The following CD300LG variants were observed in gnomAD, a reference collection of about 807,000 sequenced individuals.
CD300LG encodes CMRF35-like molecule 9.
A neutral mutation model predicts 31.5 loss-of-function variants in CD300LG; 29 were observed. The observed-to-expected ratio is 0.92, with a 90% CI of 0.68 to 1.25. The LOEUF (loss-of-function observed/expected upper bound fraction) is 1.25, where lower values mean the gene tolerates loss of function less well. Ranked by LOEUF, CD300LG falls within the 50% of genes most tolerant of loss-of-function variation. The pLI is 0.00. For synonymous variants in CD300LG, 175 were observed against 177.2 expected (o/e 0.99, Z 0.10); for missense variants, 396 against 417.6 (o/e 0.95, Z 0.45).
rs1296882400 is a variant in CD300LG, at chr17:43,848,714, CAGA to C, written c.209_211del (p.Glu70del). 7 of 1,613,990 alleles carry C rather than the reference CAGA, an allele frequency of 4.3e-6. No individual in the cohort carries two copies. The highest frequency in any genetic ancestry group is 3.3e-5 in the Admixed American group (2 of 60,000). On this transcript the variant is annotated inframe_deletion, in exon 2 of 7. Coordinates refer to ENST00000317310, the MANE Select transcript of CD300LG (RefSeq NM_145273.4). ...TCTCGCTGCTCTGGCACCATCTATG[CAGA>C]AGAAGAAGGCCAGGAGACAATGAAG...
chr17:43,860,908 C>G (rs938606439), intron 6 of CD300LG, among the ~76,000 whole-genome samples: 2 of 152,174 alleles, frequency 1.3e-5, no homozygotes, highest in African/African-American at 4.8e-5. Flanking sequence ...AGTTTTACAG[C>G]TGAGGAAACT....
intron 6 of CD300LG, among the ~76,000 whole-genome samples, chr17:43,859,862 C>T (rs2046616806): frequency 6.6e-6 from 1 of 152,212 alleles, no homozygotes; most frequent in Non-Finnish European, 1.5e-5. Flanking sequence ...CTGAAGATGT[C>T]ATCCCTGTGT....
In CD300LG at chr17:43,853,972, C is replaced by G. The variant is rs1319740649; in HGVS notation, c.647C>G (p.Pro216Arg). Residue 216 changes from proline (P) to arginine (R), a missense_variant, in exon 4 of 7, where the codon CCC becomes CGC. Pro to Arg is a moderately radical substitution (Grantham distance 103). Transcript: ENST00000317310. ...TCTCCTCCTGCAGGGAGCTCCCGCC[C>G]CCCCATGCAGCTGGACTCCACCTCA... ...ATSPPAGSSR[P>R]PMQLDSTSAE... is the part of the protein sequence containing the mutation. 2 of 1,614,066 alleles carry G rather than the reference C, an allele frequency of 1.2e-6. No individual in the cohort carries two copies. Among genetic ancestry groups the G allele is most frequent in the Non-Finnish European group, 1.7e-6 (2 of 1,180,024 alleles).
At chr17:43,854,106 G>A (rs1408536212) in intron 4 of CD300LG, 62 bp downstream of exon 4, 2 of 1,253,408 alleles carry the variant, frequency 1.6e-6, no homozygotes, top group Non-Finnish European at 1.1e-6. Context: ...GTGCCTTTGA[G>A]AAAATAGGAA....
chr17:43,861,018 A>G (rs1597717430), intron 6 of CD300LG: 7 of 791,102 alleles, frequency 8.8e-6, no homozygotes, highest in Non-Finnish European at 1.1e-5. Flanking sequence ...CCCTCCCGGC[A>G]CCTCCCTGCC....
intron 1 of CD300LG, among the ~76,000 whole-genome samples, 153 bp downstream of exon 1, chr17:43,847,412 G>T (rs2143268282): frequency 6.6e-6 from 1 of 152,298 alleles, no homozygotes; most frequent in Non-Finnish European, 1.5e-5. Flanking sequence ...GGGGGAGGTG[G>T]GGGTGGCGCC....
At position 43,848,622 on chromosome 17, in the gene CD300LG, G is replaced by C. The variant is rs1193758070; in HGVS notation, c.108G>C (p.Gln36His). 5.6e-6 allele frequency: 9 copies of C among 1,614,184 alleles called. No individual in the cohort carries two copies. The highest frequency in any genetic ancestry group is 2.2e-5 in the East Asian group (1 of 44,880). The stretch of plus-strand genomic sequence containing the variant: ...TCGAAGGGGACACTGTGTCCCTGCA[G>C]TGCACCTACAGGGAAGAGCTGAGGG... The part of the protein sequence containing the change: ...SGFEGDTVSL[Q>H]CTYREELRDH... Residue 36 changes from glutamine (Q) to histidine (H), a missense_variant, in exon 2 of 7, where the codon CAG becomes CAC. Gln to His is a conservative substitution (Grantham distance 24). Transcript: ENST00000317310.
At chr17:43,858,148 A>C in intron 6 of CD300LG, 2 of 1,281,996 alleles carry the variant, frequency 1.6e-6, no homozygotes, top group Non-Finnish European at 2.0e-6. Flanking sequence ...GTGAGGACAA[A>C]AGACTCAGGC....
rs755304047 is a variant in CD300LG at position 43,848,641 on chromosome 17, C to T, written c.127C>T (p.Leu43=). 1.9e-6 allele frequency: 3 copies of T among 1,614,104 alleles called. No homozygotes were observed. The highest frequency in any genetic ancestry group is 2.5e-6 in the Non-Finnish European group (3 of 1,180,018). ...VSLQCTYREE[L]RDHRKYWCRK... ...CCTGCAGTGCACCTACAGGGAAGAG[C>T]TGAGGGACCACCGGAAGTACTGGTG... Residue 43 remains leucine (L), a synonymous_variant, in exon 2 of 7, where the codon CTG becomes TTG. Transcript: ENST00000317310.
intron 6 of CD300LG, among the ~76,000 whole-genome samples, chr17:43,859,118 A>C (rs999812138): frequency 4.6e-5 from 7 of 152,144 alleles, no homozygotes; most frequent in African/African-American, 1.7e-4. Context: ...GGCTGGCTGC[A>C]GAGCCCTCTG....
rs200812393 is a variant in CD300LG, at chr17:43,857,171, A to T, written c.885+15A>T. 1.2e-6 allele frequency: 2 copies of T among 1,613,990 alleles called. No homozygotes were observed. Among genetic ancestry groups the T allele is most frequent in the African/African-American group, 2.7e-5 (2 of 75,074 alleles). Reference sequence around the variant, plus strand: ...TCTCACGCTTGGTAAGGACAGAGGCATATGGAAGCCCAAGCTCAGATCCCC... The same window carrying T: ...TCTCACGCTTGGTAAGGACAGAGGCTTATGGAAGCCCAAGCTCAGATCCCC... On this transcript the variant is annotated intron_variant, in intron 6 of 6. Coordinates refer to ENST00000317310, the MANE Select transcript of CD300LG (RefSeq NM_145273.4).
intron 2 of CD300LG, 92 bp from the exon 3 acceptor site, chr17:43,852,820 T>TG: frequency 4.0e-6 from 4 of 1,002,242 alleles, no homozygotes; most frequent in Middle Eastern, 2.7e-4. Context: ...TGTGCTGAGG[T>TG]GGGGGGTAGG....
Position 43,849,072 on chromosome 17 carries a change from G to A in CD300LG, c.379+179G>A, listed in dbSNP as rs1196551693. On this transcript the variant is annotated intron_variant, in intron 2 of 6. Coordinates refer to ENST00000317310, the MANE Select transcript of CD300LG (RefSeq NM_145273.4). Reference sequence around the variant, plus strand: ...AGGAGCCGCCTGAGTCTTGGCCATTGTCTCACTCTTGCTGCCCGAGGTCAC... The same window carrying A: ...AGGAGCCGCCTGAGTCTTGGCCATTATCTCACTCTTGCTGCCCGAGGTCAC... 1.3e-5 allele frequency: 8 copies of A among 622,972 alleles called. No individual in the cohort carries two copies. The South Asian group carries it at 1.6e-4, about 12-fold the overall frequency. The allele number at this position is 622,972 out of a possible 1,614,324, so 38.6% of individuals were successfully genotyped here.
chr17:43,855,634 CA>C (rs1250048226), intron 5 of CD300LG: 1 of 216,890 alleles, frequency 4.6e-6, no homozygotes, highest in Non-Finnish European at 9.2e-6. Context: ...AACCAACTGC[CA>C]GGGGCAGTGC....
At chr17:43,856,058 C>T (rs1169539397) in intron 5 of CD300LG, among the ~76,000 whole-genome samples, 1 of 152,194 alleles carries the variant, frequency 6.6e-6, no homozygotes, top group Non-Finnish European at 1.5e-5. Flanking sequence ...CCTCCTGCCT[C>T]AGCCTCCCGA....
chr17:43,848,534 C>T, intron 1 of CD300LG, 24 bp from the exon 2 acceptor site: 3 of 1,583,868 alleles, frequency 1.9e-6, no homozygotes, highest in Non-Finnish European at 2.6e-6. Context: ...GTTTTTCCAA[C>T]CTCCACTCCT....
intron 6 of CD300LG, chr17:43,857,889 G>A (rs1046279705): frequency 1.2e-5 from 19 of 1,536,918 alleles, no homozygotes; most frequent in East Asian, 4.9e-5. Context: ...GGGACCAGGG[G>A]CAAGAGAATA....
At chr17:43,851,739 G>A (rs2046363982) in intron 2 of CD300LG, among the ~76,000 whole-genome samples, 1 of 145,732 alleles carries the variant, frequency 6.9e-6, no homozygotes, top group African/African-American at 2.6e-5. Context: ...TGTATTTTTA[G>A]TAGAGACAGG....
chr17:43,849,124 C>G (rs1014208969), intron 2 of CD300LG: 1 of 597,618 alleles, frequency 1.7e-6, no homozygotes, highest in Non-Finnish European at 3.0e-6. Flanking sequence ...AGAGCAGGAC[C>G]GGACCCAGAT....
Sources: allele counts gnomAD v4.1 joint callset (sites outside exome capture counted in the v4.1 genomes callset), GRCh38; gene constraint gnomAD v4.1.1; transcripts MANE v1.5; gene names NCBI Gene and HGNC (gene_info 2026-07-23, HGNC 2026-07-21).